KPNA6: variants seen among roughly 807,000 people sequenced by gnomAD.
KPNA6 encodes importin subunit alpha-7.
KPNA6 carries 9 observed loss-of-function variants against 72.0 expected under a neutral mutation model. The observed-to-expected ratio is 0.13, with a 90% CI of 0.08 to 0.22. The LOEUF (loss-of-function observed/expected upper bound fraction) is 0.22, where lower values mean the gene tolerates loss of function less well. Ranked by LOEUF, KPNA6 falls within the 10% of genes least tolerant of loss-of-function variation. KPNA6 has a pLI of 1.00. For synonymous variants in KPNA6, 219 were observed against 242.1 expected (o/e 0.90, Z 0.89); for missense variants, 374 against 655.7 (o/e 0.57, Z 4.69).
chr1:32,158,167 G>T (rs1369794685), intron 4 of KPNA6, 100 bp from the exon 5 acceptor site: 3 of 705,146 alleles, frequency 4.3e-6, no homozygotes, highest in African/African-American at 3.5e-5. Flanking sequence ...ATGTTTGTAA[G>T]GGTGGTCAGA....
At chr1:32,142,640 G>T (rs1427958855) in intron 1 of KPNA6, among the ~76,000 whole-genome samples, 1 of 152,168 alleles carries the variant, frequency 6.6e-6, no homozygotes, top group Non-Finnish European at 1.5e-5. Context: ...TGACTTCAGA[G>T]ACCTATTCAC....
chr1:32,164,710 C>T (rs1642300902), intron 10 of KPNA6, among the ~76,000 whole-genome samples: 1 of 141,934 alleles, frequency 7.0e-6, no homozygotes, highest in Admixed American at 7.1e-5. Flanking sequence ...TTTTTGGACA[C>T]ATGTCTATTC....
intron 1 of KPNA6, among the ~76,000 whole-genome samples, chr1:32,153,804 G>C (rs556034368): frequency 1.3e-5 from 2 of 152,216 alleles, no homozygotes; most frequent in East Asian, 3.9e-4. Flanking sequence ...GGCACTAGCT[G>C]GTCAAGTTAA....
At chr1:32,170,126 T>A in intron 13 of KPNA6, 66 bp downstream of exon 13, 1 of 1,414,988 alleles carries the variant, frequency 7.1e-7, no homozygotes, top group South Asian at 1.3e-5. Context: ...GGTATACATA[T>A]GTTGGTGGTG....
chr1:32,111,099 A>G (rs915986471), intron 1 of KPNA6, among the ~76,000 whole-genome samples: 1 of 152,124 alleles, frequency 6.6e-6, no homozygotes, highest in South Asian at 2.1e-4. Context: ...AGGGGGTTTT[A>G]TGTTATAAAC....
intron 12 of KPNA6, 110 bp from the exon 13 acceptor site, chr1:32,169,772 A>G: frequency 9.6e-7 from 1 of 1,045,620 alleles, no homozygotes; most frequent in Non-Finnish European, 1.4e-6. Context: ...ACAATTCTTA[A>G]AAATAAAAAA....
chr1:32,129,156 CT>C (rs994897886), intron 1 of KPNA6, among the ~76,000 whole-genome samples: 6 of 149,568 alleles, frequency 4.0e-5, no homozygotes, highest in Non-Finnish European at 7.4e-5. Context: ...CTTCCTTCCT[CT>C]TTTTTTTCTT....
chr1:32,162,586 C>T (rs1206970094), intron 9 of KPNA6, 62 bp downstream of exon 9: 2 of 1,582,848 alleles, frequency 1.3e-6, no homozygotes, highest in Non-Finnish European at 8.6e-7. Flanking sequence ...CTTATAATCC[C>T]AGCACTTTGG....
In KPNA6 at chr1:32,176,247, G is replaced by A. The variant is rs572589008; in HGVS notation, c.*5353G>A. On this transcript the variant is annotated 3_prime_UTR_variant, in exon 14 of 14. Transcript: ENST00000373625. ...CCACTCAAGAGACTGGATATCCCCCGAGAATGGCTTGGGTTACCAGCTATG... is the reference window on the plus strand; with the variant it reads ...CCACTCAAGAGACTGGATATCCCCCAAGAATGGCTTGGGTTACCAGCTATG... 8 of 152,192 alleles carry A rather than the reference G, an allele frequency of 5.3e-5. No homozygotes were observed. The highest frequency in any genetic ancestry group is 1.4e-4 in the African/African-American group (6 of 41,522). 9.4% of individuals were successfully genotyped at this position (152,192 alleles called of 1,614,324 possible).
At chr1:32,159,562 A>G (rs1642199543) in intron 6 of KPNA6, 31 bp downstream of exon 6, 2 of 1,605,696 alleles carry the variant, frequency 1.2e-6, no homozygotes, top group African/African-American at 2.7e-5. Flanking sequence ...GATTCTTTAT[A>G]GTACCTGTGG....
intron 1 of KPNA6, among the ~76,000 whole-genome samples, chr1:32,123,334 C>T (rs934147765): frequency 1.3e-5 from 2 of 152,034 alleles, no homozygotes; most frequent in Non-Finnish European, 1.5e-5. Context: ...AATGTACCTG[C>T]CCTATGACAT....
intron 1 of KPNA6, among the ~76,000 whole-genome samples, chr1:32,148,399 ATC>A (rs1359683125): frequency 6.6e-6 from 1 of 151,322 alleles, no homozygotes; most frequent in African/African-American, 2.4e-5. Flanking sequence ...CTGCCTCAGT[ATC>A]CCAAATGTGT....
intron 3 of KPNA6, 106 bp downstream of exon 3, chr1:32,157,051 A>G (rs1642158578): frequency 1.3e-6 from 1 of 785,240 alleles, no homozygotes; most frequent in South Asian, 1.6e-5. Flanking sequence ...AACCATGACA[A>G]GTTCTTTCCT....
In KPNA6 at chr1:32,147,650, CTTTTTTTTTT is replaced by C. The variant is rs915571659; in HGVS notation, c.5-6920_5-6911del. On this transcript the variant is annotated intron_variant, in intron 1 of 13. Coordinates refer to ENST00000373625, the MANE Select transcript of KPNA6 (RefSeq NM_012316.5). ...CCTTCTGACTTTCGTGATTTCTTTT[CTTTTTTTTTT>C]TTTTTTTTTTTTTTTTTGAGACAGG... Among the ~76,000 whole-genome samples, 579 of 81,864 alleles carry C rather than the reference CTTTTTTTTTT, an allele frequency of 7.1e-3. 8 individuals carry two copies. The highest frequency in any genetic ancestry group is 0.027 in the African/African-American group (542 of 20,296). The allele number at this position is 81,864 out of a possible 152,430, so 53.7% of individuals were successfully genotyped here. A position where few individuals can be genotyped will look rare whatever the true frequency, so the allele number is the denominator to read the frequency against.
Position 32,156,957 on chromosome 1 carries a change from G to A in KPNA6, c.231+12G>A. On this transcript the variant is annotated intron_variant, in intron 3 of 13. Transcript: ENST00000373625. ...GCTCTACCACTGGGGTAAGGCCCCT[G>A]CATGTGCCTCAGGCTGACCTGGAAA... is the stretch of plus-strand genomic sequence containing the variant. The A allele has an allele frequency of 6.3e-7, 1 of 1,599,994 alleles. No individual in the cohort carries two copies. Among genetic ancestry groups the A allele is most frequent in the Non-Finnish European group, 8.6e-7 (1 of 1,167,864 alleles).
intron 1 of KPNA6, among the ~76,000 whole-genome samples, chr1:32,132,819 C>T (rs1011588404): frequency 6.6e-6 from 1 of 152,112 alleles, no homozygotes; most frequent in African/African-American, 2.4e-5. Flanking sequence ...AGGAGAATGG[C>T]GTGAACCTGG....
Position 32,128,772 on chromosome 1 carries a change from G to A in KPNA6, c.4+20638G>A, listed in dbSNP as rs747186573. On this transcript the variant is annotated intron_variant, in intron 1 of 13. Coordinates refer to ENST00000373625, the MANE Select transcript of KPNA6 (RefSeq NM_012316.5). ...CAGATCTGTTTCAAACTGTTTTCTC[G>A]TTTGCAACATTTCCTGGTCATGAAT... Among the ~76,000 whole-genome samples the A allele has an allele frequency of 1.6e-4, 25 of 151,918 alleles. 1 individual carries two copies. The highest frequency in any genetic ancestry group is 2.5e-4 in the Non-Finnish European group (17 of 68,000).
At chr1:32,111,480 C>T (rs768590424) in intron 1 of KPNA6, among the ~76,000 whole-genome samples, 3 of 152,156 alleles carry the variant, frequency 2.0e-5, no homozygotes, top group East Asian at 3.8e-4. Flanking sequence ...TCTCCCTCAT[C>T]GTAGCTTGTC....
At chr1:32,157,070 C>G (rs1171031606) in intron 3 of KPNA6, 125 bp downstream of exon 3, 2 of 684,884 alleles carry the variant, frequency 2.9e-6, no homozygotes, top group African/African-American at 1.8e-5. Flanking sequence ...CTCTGTGGAC[C>G]CTTTCGTCAG....
Sources: gnomAD v4.1 joint callset for allele counts (sites outside exome capture counted in the v4.1 genomes callset) on GRCh38, gnomAD v4.1.1 for gene constraint, MANE v1.5 for transcripts, NCBI Gene and HGNC (gene_info 2026-07-23, HGNC 2026-07-21) for gene names.